DPYSL5: variants seen among roughly 807,000 people sequenced by gnomAD.
The protein encoded by DPYSL5 is dihydropyrimidinase like 5, also known as dihydropyrimidinase-related protein 5.
DPYSL5 carries 9 observed loss-of-function variants against 58.4 expected under a neutral mutation model. The ratio of observed to expected loss-of-function variants is 0.15; its 90% CI spans 0.09 to 0.27. DPYSL5 has a LOEUF of 0.27. Ranked by LOEUF, DPYSL5 falls within the 10% of genes least tolerant of loss-of-function variation. The pLI, the probability that DPYSL5 is intolerant of heterozygous loss-of-function variation, is 1.00. For synonymous variants in DPYSL5, 293 were observed against 301.9 expected (o/e 0.97, Z 0.31); for missense variants, 499 against 770.6 (o/e 0.65, Z 4.17).
At chr2:26,918,530 T>C (rs1664631909) in intron 2 of DPYSL5, among the ~76,000 whole-genome samples, 1 of 152,118 alleles carries the variant, frequency 6.6e-6, no homozygotes, top group Admixed American at 6.6e-5. Flanking sequence ...AAGATAATTT[T>C]AATGTGAAAA....
intron 1 of DPYSL5, among the ~76,000 whole-genome samples, chr2:26,888,922 G>T (rs765460609): frequency 6.6e-6 from 1 of 152,016 alleles, no homozygotes; most frequent in Non-Finnish European, 1.5e-5. Flanking sequence ...TGAAGCTGAG[G>T]GTTGCTGTTG....
At chr2:26,930,470 G>C (rs558839899) in intron 5 of DPYSL5, among the ~76,000 whole-genome samples, 2 of 152,158 alleles carry the variant, frequency 1.3e-5, no homozygotes, top group Non-Finnish European at 2.9e-5. Flanking sequence ...GGCATCTAGC[G>C]AGCAGAAGCC....
intron 1 of DPYSL5, among the ~76,000 whole-genome samples, chr2:26,878,924 G>T (rs1329217428): frequency 6.6e-6 from 1 of 152,210 alleles, no homozygotes; most frequent in Non-Finnish European, 1.5e-5. Context: ...GCACTTGTGA[G>T]AAGCAGTCCT....
chr2:26,911,482 T>C (rs1478997777), intron 2 of DPYSL5, among the ~76,000 whole-genome samples: 2 of 152,234 alleles, frequency 1.3e-5, no homozygotes, highest in Non-Finnish European at 2.9e-5. Context: ...TTTAAAATTT[T>C]CTCAAGTTAT....
intron 1 of DPYSL5, among the ~76,000 whole-genome samples, chr2:26,892,348 A>G (rs1322881964): frequency 2.6e-5 from 4 of 152,224 alleles, no homozygotes; most frequent in African/African-American, 9.7e-5. Flanking sequence ...TTTCGATTCT[A>G]GCATCAAAGC....
At position 26,849,881 on chromosome 2, in the gene DPYSL5, G is replaced by A. The variant is rs1042483385; in HGVS notation, c.-5+1627G>A. On this transcript the variant is annotated intron_variant, in intron 1 of 12. Transcript: ENST00000288699. The surrounding 1 kb of genome is among the most constrained non-coding windows in gnomAD (Gnocchi z 6.2). ...GACAGCCACCCCCCCACTCCGGCTC[G>A]GGTGCCTTCTGGTGCAGCGCCGCCG... 6.6e-6 allele frequency among the ~76,000 whole-genome samples: 1 copy of A among 152,168 alleles called. No individual in the cohort carries two copies. Among genetic ancestry groups the A allele is most frequent in the East Asian group, 1.9e-4 (1 of 5,168 alleles).
chr2:26,912,214 G>C (rs1664457309), intron 2 of DPYSL5, among the ~76,000 whole-genome samples: 1 of 152,194 alleles, frequency 6.6e-6, no homozygotes, highest in Non-Finnish European at 1.5e-5. Context: ...AGAAAGCAGC[G>C]TCCCAGAGAG....
At position 26,942,278 on chromosome 2, in the gene DPYSL5, G is replaced by T. The variant is rs1443368427; in HGVS notation, c.1232+186G>T. Among the ~76,000 whole-genome samples the T allele has an allele frequency of 6.6e-6, 1 of 152,206 alleles. No individual in the cohort carries two copies. The highest frequency in any genetic ancestry group is 1.5e-5 in the Non-Finnish European group (1 of 68,048). On this transcript the variant is annotated intron_variant, in intron 10 of 12. Transcript: ENST00000288699. The surrounding 1 kb of genome is among the most constrained non-coding windows in gnomAD (Gnocchi z 5.9). ...TTCTTCCGTGTCACACATGTCTGGT[G>T]TGTCTGTCTCCTCTTCTTATAAGGA...
intron 2 of DPYSL5, among the ~76,000 whole-genome samples, chr2:26,907,124 T>TTTA (rs1664315441): frequency 7.5e-6 from 1 of 133,876 alleles, no homozygotes; most frequent in African/African-American, 2.7e-5. Flanking sequence ...TTATTTATTT[T>TTTA]ATTTTTTTGA....
intron 1 of DPYSL5, among the ~76,000 whole-genome samples, chr2:26,863,821 G>A (rs1383670555): frequency 2.6e-5 from 4 of 152,090 alleles, no homozygotes; most frequent in South Asian, 4.1e-4. Context: ...ACATAGAATC[G>A]TACAATATGT....
intron 1 of DPYSL5, among the ~76,000 whole-genome samples, chr2:26,868,609 G>C (rs939990017): frequency 6.6e-6 from 1 of 152,140 alleles, no homozygotes; most frequent in Non-Finnish European, 1.5e-5. Flanking sequence ...CCACTGAATT[G>C]AAATATCACT....
At position 26,932,208 on chromosome 2, in the gene DPYSL5, A is replaced by AAAGAAAGAAAAGAAAGAAAGAAAGAAAG. The variant is rs1178078504; in HGVS notation, c.714+526_714+527insGAAAGAAAAGAAAGAAAGAAAGAAAGAA. On this transcript the variant is annotated intron_variant, in intron 6 of 12. Transcript: ENST00000288699. ...GAAAGAAAGAAAGAAAGAAAGAAAG[A>AAAGAAAGAAAAGAAAGAAAGAAAGAAAG]AAAGAAAGAAAGAAAGAAAGAAAGA... Among the ~76,000 whole-genome samples, 20 of 70,222 alleles carry AAAGAAAGAAAAGAAAGAAAGAAAGAAAG rather than the reference A, an allele frequency of 2.8e-4. 1 individual carries two copies. Among genetic ancestry groups the AAAGAAAGAAAAGAAAGAAAGAAAGAAAG allele is most frequent in the African/African-American group, 1.1e-3 (20 of 17,476 alleles). The allele number at this position is 70,222 out of a possible 152,430, so 46.1% of individuals were successfully genotyped here. A position where few individuals can be genotyped will look rare whatever the true frequency, so the allele number is the denominator to read the frequency against.
chr2:26,934,122 T>C lies in DPYSL5; in HGVS notation c.791-456T>C, dbSNP rs910293095. On this transcript the variant is annotated intron_variant, in intron 7 of 12. Coordinates refer to ENST00000288699, the MANE Select transcript of DPYSL5 (RefSeq NM_020134.4). This position sits in a 1 kb window ranked among gnomAD's most constrained non-coding sequence, Gnocchi z 4.3. The stretch of plus-strand genomic sequence containing the variant: ...TGACTGCTCCCACCTCCTGTCTCCC[T>C]GTCCTCCAGCCCTGCTACGGCCCTC... Among the ~76,000 whole-genome samples, 1 of 152,190 alleles carries C rather than the reference T, an allele frequency of 6.6e-6. No homozygotes were observed. The highest frequency in any genetic ancestry group is 3.2e-3 in the Middle Eastern group (1 of 316).
In DPYSL5 at chr2:26,933,192, G is replaced by T. The variant is rs1665080035; in HGVS notation, c.715-66G>T. ...TGGTGCCAGGGCTGACTTTGCCAGG[G>T]TTATTCTGATGCTTGTGAAGTTTAT... On this transcript the variant is annotated intron_variant, in intron 6 of 12. Transcript: ENST00000288699. This position sits in a 1 kb window ranked among gnomAD's most constrained non-coding sequence, Gnocchi z 4.2. 18 of 1,496,070 alleles carry T rather than the reference G, an allele frequency of 1.2e-5. No individual in the cohort carries two copies. Among genetic ancestry groups the T allele is most frequent in the Non-Finnish European group, 1.5e-5 (16 of 1,072,896 alleles). The allele number at this position is 1,496,070 out of a possible 1,614,324, so 92.7% of individuals were successfully genotyped here.
chr2:26,859,127 A>G (rs72850593), intron 1 of DPYSL5, among the ~76,000 whole-genome samples: 2,428 of 152,280 alleles, frequency 0.016, 69 homozygotes, highest in African/African-American at 0.055. Context: ...GGCAGTCTTC[A>G]GTTCCGTTGG....
At position 26,943,950 on chromosome 2, in the gene DPYSL5, A is replaced by G. The variant is rs556867974; in HGVS notation, c.1441-706A>G. Among the ~76,000 whole-genome samples the G allele has an allele frequency of 8.5e-5, 13 of 152,194 alleles. No homozygotes were observed. In the East Asian group the frequency reaches 2.1e-3, roughly 25 times the overall value. On this transcript the variant is annotated intron_variant, in intron 11 of 12. Coordinates refer to ENST00000288699, the MANE Select transcript of DPYSL5 (RefSeq NM_020134.4). ...CCAGTAAAGGGTGTGGCTTCGTGGG[A>G]GCCTAAGGTGGGGAATAACGTTGCG...
intron 1 of DPYSL5, among the ~76,000 whole-genome samples, chr2:26,867,431 TC>T (rs1666170454): frequency 6.6e-6 from 1 of 151,504 alleles, no homozygotes; most frequent in African/African-American, 2.4e-5. Flanking sequence ...TTCGGTTTGT[TC>T]CCAATTGTTT....
chr2:26,860,040 T>C (rs115190214), intron 1 of DPYSL5, among the ~76,000 whole-genome samples: 2,079 of 152,240 alleles, frequency 0.014, 22 homozygotes, highest in Non-Finnish European at 0.021. Flanking sequence ...TTGGGTAAAG[T>C]CATTTTATCT....
intron 1 of DPYSL5, among the ~76,000 whole-genome samples, chr2:26,859,150 T>C (rs1665951609): frequency 6.6e-6 from 1 of 152,224 alleles, no homozygotes; most frequent in African/African-American, 2.4e-5. Context: ...TGTACTAGAT[T>C]CCATTTTTTT....
Sources: gnomAD v4.1 joint callset for allele counts (sites outside exome capture counted in the v4.1 genomes callset) on GRCh38, gnomAD v4.1.1 for gene constraint, Gnocchi (gnomAD v3.1) non-coding constraint, MANE v1.5 for transcripts, NCBI Gene and HGNC (gene_info 2026-07-23, HGNC 2026-07-21) for gene names.